The following SLMAP variants were observed in gnomAD, a reference collection of about 807,000 sequenced individuals.
SLMAP encodes the protein sarcolemmal membrane-associated protein.
SLMAP carries 44 observed loss-of-function variants against 128.8 expected under a neutral mutation model. That is an observed-to-expected ratio of 0.34 (90% CI 0.27 to 0.44). SLMAP has a LOEUF of 0.44. SLMAP is among the 20% of genes least tolerant of loss of function. The probability of loss-of-function intolerance (pLI) is 1.00; values close to 1 mark genes in which losing one functional copy is unlikely to be tolerated. For missense variants in SLMAP, 787 were observed against 985.3 expected (o/e 0.80, Z 2.69); for synonymous variants, 327 against 348.8 (o/e 0.94, Z 0.70).
rs374220060 is a variant in SLMAP at position 57,803,284 on chromosome 3, G to A, written c.199-28099G>A. ...CATCAAGATTATGATAGATAAATAG[G>A]CCAAGGAGTTAAGTAGTCAGTTTAT... is the stretch of plus-strand genomic sequence containing the variant. On this transcript the variant is annotated intron_variant, in intron 2 of 24. Transcript: ENST00000671191. 8.5e-5 allele frequency among the ~76,000 whole-genome samples: 13 copies of A among 152,202 alleles called. No homozygotes were observed. In the East Asian group the frequency reaches 1.4e-3, roughly 16 times the overall value.
At chr3:57,850,847 G>A (rs1381670035) in intron 6 of SLMAP, among the ~76,000 whole-genome samples, 1 of 151,902 alleles carries the variant, frequency 6.6e-6, no homozygotes, top group Non-Finnish European at 1.5e-5. Flanking sequence ...GTTGCCCAGG[G>A]TGGTCTCAAA....
intron 2 of SLMAP, among the ~76,000 whole-genome samples, chr3:57,812,825 C>CA: frequency 6.7e-6 from 1 of 149,936 alleles, no homozygotes; most frequent in East Asian, 2.0e-4. Context: ...TAAATTTTTC[C>CA]TTTTTTTTTC....
chr3:57,902,326 A>T (rs2153667561), intron 17 of SLMAP, among the ~76,000 whole-genome samples: 1 of 152,336 alleles, frequency 6.6e-6, no homozygotes, highest in South Asian at 2.1e-4. Flanking sequence ...ACCTTCTTAG[A>T]AAAAGGAAAT....
chr3:57,880,814 G>C (rs1036545956), intron 14 of SLMAP, among the ~76,000 whole-genome samples: 2 of 152,126 alleles, frequency 1.3e-5, no homozygotes, highest in Non-Finnish European at 2.9e-5. Context: ...GAGCCCTGGA[G>C]CGGGAGGCTG....
At chr3:57,858,296 C>CAT in intron 8 of SLMAP, 137 bp downstream of exon 8, 1 of 613,030 alleles carries the variant, frequency 1.6e-6, no homozygotes, top group South Asian at 2.2e-5. Context: ...TGCTGAGAAA[C>CAT]GTCAGACATC....
chr3:57,912,238 C>A, intron 19 of SLMAP, 143 bp from the exon 20 acceptor site: 1 of 591,106 alleles, frequency 1.7e-6, no homozygotes. Context: ...TATTTTGACG[C>A]TTTCTGCATC....
intron 2 of SLMAP, among the ~76,000 whole-genome samples, chr3:57,775,220 A>AT (rs1474066327): frequency 1.3e-5 from 2 of 151,488 alleles, no homozygotes; most frequent in Non-Finnish European, 2.9e-5. Context: ...CCCCCGGCTA[A>AT]TTTTTTTGTA....
intron 2 of SLMAP, among the ~76,000 whole-genome samples, chr3:57,780,653 T>C (rs1452009448): frequency 6.6e-6 from 1 of 152,042 alleles, no homozygotes; most frequent in Admixed American, 6.6e-5. Context: ...TAAATAATTT[T>C]TTTTTTTTGA....
intron 17 of SLMAP, among the ~76,000 whole-genome samples, chr3:57,903,412 A>G (rs1024437331): frequency 1.5e-4 from 23 of 152,336 alleles, no homozygotes; most frequent in East Asian, 5.8e-4. Context: ...ATGACATGCC[A>G]TATGTTATGG....
chr3:57,793,006 G>A (rs2153477921), intron 2 of SLMAP, among the ~76,000 whole-genome samples: 1 of 152,244 alleles, frequency 6.6e-6, no homozygotes, highest in East Asian at 1.9e-4. Flanking sequence ...GAGCGTTGTG[G>A]TGCGCACCTG....
At chr3:57,763,972 A>G (rs561993715) in intron 2 of SLMAP, among the ~76,000 whole-genome samples, 47 of 152,282 alleles carry the variant, frequency 3.1e-4, no homozygotes, top group African/African-American at 1.1e-3. Context: ...GTGCACATCT[A>G]TTCTGTGTGA....
chr3:57,906,666 GAAAAA>G (rs1206959758), intron 17 of SLMAP, among the ~76,000 whole-genome samples: 2 of 24,726 alleles, frequency 8.1e-5, no homozygotes, highest in African/African-American at 2.0e-4. Flanking sequence ...CTATGAATAT[GAAAAA>G]AAAATATATA....
Position 57,864,596 on chromosome 3 carries a change from A to C in SLMAP, c.1015A>C (p.Lys339Gln), listed in dbSNP as rs2095240081. Residue 339 changes from lysine (K) to glutamine (Q), a missense_variant, in exon 11 of 25, where the codon AAA (lysine) becomes CAA (glutamine). Coordinates refer to ENST00000671191, the MANE Select transcript of SLMAP (RefSeq NM_001377540.1). ...EEIQQKGQAE[K>Q]KELQHKIDEM... Reference sequence around the variant, plus strand: ...AATCCAACAGAAGGGACAGGCTGAGAAAAAAGAATTACAACATAAAATAGA... The same window carrying C: ...AATCCAACAGAAGGGACAGGCTGAGCAAAAAGAATTACAACATAAAATAGA... 6.3e-7 allele frequency: 1 copy of C among 1,590,284 alleles called. No homozygotes were observed. Among genetic ancestry groups the C allele is most frequent in the Admixed American group, 1.9e-5 (1 of 52,756 alleles).
chr3:57,923,995 C>G (rs549728824), intron 23 of SLMAP, among the ~76,000 whole-genome samples: 2 of 152,252 alleles, frequency 1.3e-5, no homozygotes, highest in South Asian at 4.1e-4. Flanking sequence ...ATTTACTTTT[C>G]AAAATGTAGA....
intron 19 of SLMAP, among the ~76,000 whole-genome samples, chr3:57,910,041 G>A (rs970994803): frequency 6.6e-6 from 1 of 152,064 alleles, no homozygotes; most frequent in Middle Eastern, 3.4e-3. Flanking sequence ...GAGTTATGTC[G>A]TGAGTTCCTA....
At chr3:57,763,198 T>A (rs2153431657) in intron 2 of SLMAP, among the ~76,000 whole-genome samples, 1 of 152,326 alleles carries the variant, frequency 6.6e-6, no homozygotes, top group Admixed American at 6.5e-5. Context: ...GTAGTCTATT[T>A]CCAGTTTCAC....
At chr3:57,817,352 G>C (rs2091980537) in intron 2 of SLMAP, among the ~76,000 whole-genome samples, 1 of 152,164 alleles carries the variant, frequency 6.6e-6, no homozygotes, top group Admixed American at 6.5e-5. Context: ...TACTGTAAGT[G>C]ATTTCTGATG....
chr3:57,799,797 C>G lies in SLMAP; in HGVS notation c.199-31586C>G, dbSNP rs191119477. On this transcript the variant is annotated intron_variant, in intron 2 of 24. Coordinates refer to ENST00000671191, the MANE Select transcript of SLMAP (RefSeq NM_001377540.1). ...TTTTATGCCATAGTACAAACATATT[C>G]GCGAGCTTTTTGGTTTGCTTGTTTG... is the stretch of plus-strand genomic sequence containing the variant. 3.9e-5 allele frequency among the ~76,000 whole-genome samples: 6 copies of G among 152,060 alleles called. No homozygotes were observed. The East Asian group carries it at 1.2e-3, about 29-fold the overall frequency.
intron 21 of SLMAP, among the ~76,000 whole-genome samples, chr3:57,914,773 G>A (rs1234855511): frequency 6.6e-6 from 1 of 151,824 alleles, no homozygotes; most frequent in African/African-American, 2.4e-5. Flanking sequence ...GTAGAGACGG[G>A]GTTTCTCCAT....
Sources: allele counts gnomAD v4.1 joint callset (sites outside exome capture counted in the v4.1 genomes callset), GRCh38; gene constraint gnomAD v4.1.1; transcripts MANE v1.5; gene names NCBI Gene and HGNC (gene_info 2026-07-23, HGNC 2026-07-21).